Variants in TRIM62 observed in about 807,000 individuals in gnomAD.
The protein encoded by TRIM62 is tripartite motif containing 62, also known as E3 ubiquitin-protein ligase TRIM62.
A neutral mutation model predicts 44.2 loss-of-function variants in TRIM62; 39 were observed. The observed-to-expected ratio is 0.88, with a 90% CI of 0.68 to 1.15. TRIM62 has a LOEUF of 1.15. Ranked by LOEUF, TRIM62 falls within the 50% of genes most tolerant of loss-of-function variation. TRIM62 has a pLI of 0.00. For missense variants in TRIM62, 544 were observed against 665.5 expected (o/e 0.82, Z 2.01); for synonymous variants, 278 against 292.3 (o/e 0.95, Z 0.50).
rs1294133421 is a variant in TRIM62, at chr1:33,145,548, C to T, written c.*1629G>A. ...ACAATTCCTTTTGCCCAAGGGAGGC[C>T]CGGGTGGCGGGGGCAGCCATTTTAA... is the stretch of plus-strand genomic sequence containing the variant. On this transcript the variant is annotated 3_prime_UTR_variant, in exon 5 of 5. Coordinates refer to ENST00000291416, the MANE Select transcript of TRIM62 (RefSeq NM_018207.3). The T allele has an allele frequency of 5.8e-6, 1 of 172,476 alleles. No homozygotes were observed. Among genetic ancestry groups the T allele is most frequent in the East Asian group, 1.7e-4 (1 of 5,776 alleles). 10.7% of individuals were successfully genotyped at this position (172,476 alleles called of 1,614,324 possible). A position where few individuals can be genotyped will look rare whatever the true frequency, so the allele number is the denominator to read the frequency against.
Position 33,181,330 on chromosome 1 carries a change from T to C in TRIM62, c.103A>G (p.Ile35Val). 1.3e-6 allele frequency: 2 copies of C among 1,577,452 alleles called. No homozygotes were observed. The highest frequency in any genetic ancestry group is 8.6e-7 in the Non-Finnish European group (1 of 1,165,734). Residue 35 changes from isoleucine to valine, a missense_variant, in exon 1 of 5, where the codon ATC becomes GTC. Coordinates refer to ENST00000291416, the MANE Select transcript of TRIM62 (RefSeq NM_018207.3). This position sits in a 1 kb window ranked among gnomAD's most constrained non-coding sequence, Gnocchi z 6.5. Reference protein sequence around the residue: ...GCEHYFCRRCITEHWVRQEAQ... With the variant: ...GCEHYFCRRCVTEHWVRQEAQ... ...TCCTGCCGCACCCAGTGCTCCGTGATGCAGCGGCGGCAGAAGTAATGCTCG... is the reference window on the plus strand; with the variant it reads ...TCCTGCCGCACCCAGTGCTCCGTGACGCAGCGGCGGCAGAAGTAATGCTCG...
Position 33,161,810 on chromosome 1 carries a change from C to G in TRIM62, c.505-1866G>C, listed in dbSNP as rs12563712. Reference sequence around the variant, plus strand: ...ACCACTCTGCAGCACTTAGCCCACTCGCCACCCTCTCCTAGTTGAAAGTTC... The same window carrying G: ...ACCACTCTGCAGCACTTAGCCCACTGGCCACCCTCTCCTAGTTGAAAGTTC... On this transcript the variant is annotated intron_variant, in intron 2 of 4. Coordinates refer to ENST00000291416, the MANE Select transcript of TRIM62 (RefSeq NM_018207.3). This position sits in a 1 kb window ranked among gnomAD's most constrained non-coding sequence, Gnocchi z 4.3. Among the ~76,000 whole-genome samples, 28,331 of 152,182 alleles carry G rather than the reference C, an allele frequency of 0.19. 3,126 individuals are homozygous for G. The highest frequency in any genetic ancestry group is 0.3 in the South Asian group (1,436 of 4,810).
intron 2 of TRIM62, 103 bp from the exon 3 acceptor site, chr1:33,160,047 T>G: frequency 2.0e-6 from 3 of 1,470,264 alleles, no homozygotes; most frequent in African/African-American, 1.4e-5. Flanking sequence ...GAGGAAAGGG[T>G]GGGAAAGGGC....
intron 2 of TRIM62, among the ~76,000 whole-genome samples, chr1:33,160,636 G>A (rs72885925): frequency 2.0e-5 from 3 of 151,832 alleles, no homozygotes; most frequent in Non-Finnish European, 4.4e-5. Flanking sequence ...AACACCTGAC[G>A]TTAGGTGATC....
intron 1 of TRIM62, 141 bp downstream of exon 1, chr1:33,180,884 A>C: frequency 1.2e-5 from 4 of 342,320 alleles, no homozygotes; most frequent in Non-Finnish European, 2.0e-5. Flanking sequence ...TACTCCTGAT[A>C]GGGCCCTGAC....
chr1:33,168,565 TAG>T (rs1405336152), intron 1 of TRIM62, among the ~76,000 whole-genome samples: 6 of 152,192 alleles, frequency 3.9e-5, no homozygotes, highest in Non-Finnish European at 7.4e-5. Context: ...AGTCCTTTCC[TAG>T]AGACTTGTCT....
rs1645020722 is a variant in TRIM62 at position 33,146,260 on chromosome 1, G to GAGAT, written c.*913_*916dup. On this transcript the variant is annotated 3_prime_UTR_variant, in exon 5 of 5. Transcript: ENST00000291416. ...TGTTTTCTGCAGCAGGATCCTAACT[G>GAGAT]AGATAGATGCCAAGTCTGACAAGGG... The GAGAT allele has an allele frequency of 4.9e-6, 1 of 205,826 alleles. No individual in the cohort carries two copies. Among genetic ancestry groups the GAGAT allele is most frequent in the East Asian group, 1.4e-4 (1 of 7,238 alleles). The allele number at this position is 205,826 out of a possible 1,614,324, so 12.7% of individuals were successfully genotyped here.
Position 33,146,933 on chromosome 1 carries a change from T to C in TRIM62, c.*244A>G. On this transcript the variant is annotated 3_prime_UTR_variant, in exon 5 of 5. Coordinates refer to ENST00000291416, the MANE Select transcript of TRIM62 (RefSeq NM_018207.3). ...CAGGGGTTGCCCTGAGGAGAAGCCATGTCACATCCTTGGATCAAAGCTGTA... is the reference window on the plus strand; with the variant it reads ...CAGGGGTTGCCCTGAGGAGAAGCCACGTCACATCCTTGGATCAAAGCTGTA... 1 of 544,872 alleles carries C rather than the reference T, an allele frequency of 1.8e-6. No homozygotes were observed. The highest frequency in any genetic ancestry group is 3.3e-6 in the Non-Finnish European group (1 of 305,418). 33.8% of individuals were successfully genotyped at this position (544,872 alleles called of 1,614,324 possible).
At position 33,159,668 on chromosome 1, in the gene TRIM62, C is replaced by A; in HGVS notation, c.761+20G>T. 1 of 1,592,050 alleles carries A rather than the reference C, an allele frequency of 6.3e-7. No homozygotes were observed. Among genetic ancestry groups the A allele is most frequent in the East Asian group, 2.2e-5 (1 of 44,508 alleles). On this transcript the variant is annotated intron_variant, in intron 3 of 4. Coordinates refer to ENST00000291416, the MANE Select transcript of TRIM62 (RefSeq NM_018207.3). The surrounding 1 kb of genome is among the most constrained non-coding windows in gnomAD (Gnocchi z 4.2). The stretch of plus-strand genomic sequence containing the variant: ...GGAGGGGATGGTCAGCCGGGGAGGG[C>A]CCCGGCGGGTGGCACTTACCGCTCG...
At chr1:33,166,762 A>G (rs1314493513) in intron 1 of TRIM62, among the ~76,000 whole-genome samples, 2 of 152,178 alleles carry the variant, frequency 1.3e-5, no homozygotes, top group Non-Finnish European at 2.9e-5. Flanking sequence ...CACACAAGAT[A>G]TCAAAATTTT....
chr1:33,173,826 A>C (rs1645393293), intron 1 of TRIM62, among the ~76,000 whole-genome samples: 1 of 152,016 alleles, frequency 6.6e-6, no homozygotes, highest in African/African-American at 2.4e-5. Context: ...CAGCCTCCCA[A>C]GTACCTCACA....
chr1:33,149,333 T>C (rs1039845534), intron 4 of TRIM62, among the ~76,000 whole-genome samples: 1 of 152,134 alleles, frequency 6.6e-6, no homozygotes, highest in Non-Finnish European at 1.5e-5. Context: ...TTTGTATTTT[T>C]AGTAGAGACA....
rs201641867 is a variant in TRIM62, at chr1:33,158,320, C to T, written c.810G>A (p.Pro270=). ...GCAGGGGGCCTGTGTACTTGGAGGT[C>T]GGGAAGTCTTCATATGTGAGGTTGG... ...HETNLTYEDF[P]TSKYTGPLQY... The change falls in exon 4 of 5, where the codon CCG becomes CCA. Residue 270 remains proline (P), a synonymous_variant. Transcript: ENST00000291416. 13 of 1,613,980 alleles carry T rather than the reference C, an allele frequency of 8.1e-6. No homozygotes were observed. The highest frequency in any genetic ancestry group is 8.0e-5 in the African/African-American group (6 of 75,038).
rs1053894395 is a variant in TRIM62 at position 33,147,445 on chromosome 1, T to C, written c.1160A>G (p.Tyr387Cys). 2.5e-6 allele frequency: 4 copies of C among 1,613,886 alleles called. No individual in the cohort carries two copies. The highest frequency in any genetic ancestry group is 2.7e-5 in the African/African-American group (2 of 74,898). The change falls in exon 5 of 5, where the codon TAC becomes TGC. Residue 387 changes from tyrosine (Y) to cysteine (C), a missense_variant. Coordinates refer to ENST00000291416, the MANE Select transcript of TRIM62 (RefSeq NM_018207.3). The surrounding 1 kb of genome is among the most constrained non-coding windows in gnomAD (Gnocchi z 8.1). ...SIQIQPSRGF[Y>C]CIVMHDGNQY... The stretch of plus-strand genomic sequence containing the variant: ...GTTGCCATCGTGCATCACGATGCAG[T>C]AGAAGCCGCGGCTGGGCTGGATCTG...
chr1:33,155,795 G>T (rs1310177729), intron 4 of TRIM62, among the ~76,000 whole-genome samples: 2 of 152,236 alleles, frequency 1.3e-5, no homozygotes, highest in African/African-American at 4.8e-5. Flanking sequence ...TCTGCTGCCA[G>T]TCAGTTTGAA....
rs766264289 is a variant in TRIM62, at chr1:33,158,297, AG to A, written c.832del (p.Leu278CysfsTer20). 6.2e-7 allele frequency: 1 copy of A among 1,614,062 alleles called. No homozygotes were observed. The highest frequency in any genetic ancestry group is 8.5e-7 in the Non-Finnish European group (1 of 1,179,926). On this transcript the variant is annotated frameshift_variant, in exon 4 of 5. Transcript: ENST00000291416. LOFTEE classifies it high-confidence loss of function. ...DFPTSKYTGP[L>X]QYTIWKSLFQ... ...CAGGGACTTCCAGATGGTGTACTGC[AG>A]GGGGCCTGTGTACTTGGAGGTCGGG...
chr1:33,154,910 G>T (rs2124721905), intron 4 of TRIM62, among the ~76,000 whole-genome samples: 1 of 151,822 alleles, frequency 6.6e-6, no homozygotes, highest in South Asian at 2.1e-4. Flanking sequence ...TGGCTAACAC[G>T]GTGAAACCCC....
In TRIM62 at chr1:33,145,780, C is replaced by T; in HGVS notation, c.*1397G>A. ...GGACAACCCTAGATGTGGACTCCAC[C>T]CTCTCCCGAGTTCTTCACGATTGGA... is the stretch of plus-strand genomic sequence containing the variant. On this transcript the variant is annotated 3_prime_UTR_variant, in exon 5 of 5. Transcript: ENST00000291416. 2.2e-6 allele frequency: 1 copy of T among 452,472 alleles called. No individual in the cohort carries two copies. Among genetic ancestry groups the T allele is most frequent in the Non-Finnish European group, 4.6e-6 (1 of 217,754 alleles). The allele number at this position is 452,472 out of a possible 1,614,324, so 28.0% of individuals were successfully genotyped here. A position where few individuals can be genotyped will look rare whatever the true frequency, so the allele number is the denominator to read the frequency against.
intron 1 of TRIM62, among the ~76,000 whole-genome samples, chr1:33,168,592 A>T (rs1645349011): frequency 1.3e-5 from 2 of 152,172 alleles, no homozygotes; most frequent in Admixed American, 1.3e-4. Flanking sequence ...TGAGAGAGAA[A>T]CGCACCCCAT....
Sources: gnomAD v4.1 joint callset for allele counts (sites outside exome capture counted in the v4.1 genomes callset) on GRCh38, gnomAD v4.1.1 for gene constraint, Gnocchi (gnomAD v3.1) non-coding constraint, MANE v1.5 for transcripts, NCBI Gene and HGNC (gene_info 2026-07-23, HGNC 2026-07-21) for gene names.